The following SLC9C2 variants were observed in gnomAD, a reference collection of about 807,000 sequenced individuals.
The protein encoded by SLC9C2 is sodium/hydrogen exchanger 11.
A neutral mutation model predicts 140.2 loss-of-function variants in SLC9C2; 75 were observed. The observed-to-expected ratio is 0.53, with a 90% CI of 0.44 to 0.65. SLC9C2 has a LOEUF of 0.65. Ranked by LOEUF, SLC9C2 falls within the 30% of genes least tolerant of loss-of-function variation. The pLI, the probability that SLC9C2 is intolerant of heterozygous loss-of-function variation, is 0.00. For missense variants in SLC9C2, 1,074 were observed against 1,331.8 expected (o/e 0.81, Z 3.01); for synonymous variants, 375 against 420.9 (o/e 0.89, Z 1.34).
chr1:173,515,182 A>C (rs1356006785), intron 23 of SLC9C2, among the ~76,000 whole-genome samples: 2 of 151,990 alleles, frequency 1.3e-5, no homozygotes, highest in African/African-American at 4.8e-5. Flanking sequence ...GTATTTCCTG[A>C]ATTTGAATGT....
At chr1:173,519,315 G>A (rs979013424) in intron 22 of SLC9C2, among the ~76,000 whole-genome samples, 15 of 152,050 alleles carry the variant, frequency 9.9e-5, no homozygotes, top group African/African-American at 2.9e-4. Context: ...TTCAATAGCC[G>A]TAAAGAATAA....
At chr1:173,567,278 T>C (rs1054049624) in intron 9 of SLC9C2, among the ~76,000 whole-genome samples, 1 of 152,074 alleles carries the variant, frequency 6.6e-6, no homozygotes, top group South Asian at 2.1e-4. Context: ...TTGAAGTCTG[T>C]TATTATTGCA....
At chr1:173,513,139 C>T (rs4360557) in intron 23 of SLC9C2, among the ~76,000 whole-genome samples, 6,942 of 152,038 alleles carry the variant, frequency 0.046, 515 homozygotes, top group African/African-American at 0.16. Context: ...GTTGTTGTGC[C>T]TCTGCCAGGT....
chr1:173,535,239 A>G (rs892139248), intron 15 of SLC9C2, among the ~76,000 whole-genome samples: 1 of 152,166 alleles, frequency 6.6e-6, no homozygotes, highest in African/African-American at 2.4e-5. Context: ...AAAATTTAGC[A>G]GCATTAACGC....
intron 11 of SLC9C2, among the ~76,000 whole-genome samples, chr1:173,553,338 G>A (rs1487321997): frequency 7.9e-5 from 12 of 152,230 alleles, no homozygotes; most frequent in Non-Finnish European, 1.5e-5. Flanking sequence ...GTGGCAACAG[G>A]TTTTGAGAGG....
At chr1:173,556,352 A>C (rs1261191104) in intron 10 of SLC9C2, among the ~76,000 whole-genome samples, 2 of 152,186 alleles carry the variant, frequency 1.3e-5, no homozygotes, top group African/African-American at 4.8e-5. Context: ...CCCATGGGGA[A>C]AGGCTTTGAG....
At chr1:173,576,915 G>A (rs1164211897) in intron 7 of SLC9C2, among the ~76,000 whole-genome samples, 155 bp from the exon 8 acceptor site, 1 of 152,204 alleles carries the variant, frequency 6.6e-6, no homozygotes, top group East Asian at 1.9e-4. Context: ...CAGTAAACCT[G>A]GGGCTGGCAA....
chr1:173,549,276 G>T (rs1432557896), intron 11 of SLC9C2, among the ~76,000 whole-genome samples: 2 of 152,132 alleles, frequency 1.3e-5, no homozygotes, highest in African/African-American at 4.8e-5. Flanking sequence ...CTCTCTATGG[G>T]ACACTGCGTA....
chr1:173,561,868 C>G (rs1199504973), intron 9 of SLC9C2, among the ~76,000 whole-genome samples: 1 of 151,732 alleles, frequency 6.6e-6, no homozygotes, highest in East Asian at 1.9e-4. Context: ...CACAGACACA[C>G]ACACACACAC....
intron 17 of SLC9C2, 137 bp from the exon 18 acceptor site, chr1:173,530,191 A>C: frequency 1.4e-4 from 99 of 702,124 alleles, no homozygotes; most frequent in Non-Finnish European, 2.1e-4. Flanking sequence ...GCAAAATCTC[A>C]GGTCCCACTG....
At chr1:173,505,184 A>G (rs1378414865) in intron 26 of SLC9C2, 63 bp downstream of exon 26, 2 of 1,346,336 alleles carry the variant, frequency 1.5e-6, no homozygotes, top group East Asian at 2.3e-5. Context: ...GAGTTAAAGG[A>G]ATTTTACATG....
chr1:173,573,291 A>G lies in SLC9C2; in HGVS notation c.937T>C (p.Leu313=). The G allele has an allele frequency of 1.3e-6, 2 of 1,571,040 alleles. No homozygotes were observed. Among genetic ancestry groups the G allele is most frequent in the Non-Finnish European group, 1.7e-6 (2 of 1,143,398 alleles). The change falls in exon 9 of 28, where the codon TTA becomes CTA. Residue 313 remains leucine (L), a synonymous_variant. Transcript: ENST00000367714. The part of the protein sequence containing the change: ...LRIFSSVYEH[L]IYAFFGIVIG... The stretch of plus-strand genomic sequence containing the variant: ...ACAATGCCAAAGAAAGCATATATTA[A>G]ATGTTCATATACAGATGAAAAAATT...
chr1:173,509,750 C>A, intron 23 of SLC9C2, 51 bp from the exon 24 acceptor site: 1 of 1,541,964 alleles, frequency 6.5e-7, no homozygotes, highest in Non-Finnish European at 8.7e-7. Context: ...AACTAAATTA[C>A]AAGACCATCA....
chr1:173,542,202 A>T (rs1426483693), intron 13 of SLC9C2, among the ~76,000 whole-genome samples: 1 of 152,186 alleles, frequency 6.6e-6, no homozygotes, highest in Non-Finnish European at 1.5e-5. Flanking sequence ...ACAGAAATAC[A>T]AACTACCATC....
intron 22 of SLC9C2, among the ~76,000 whole-genome samples, chr1:173,518,265 G>GAAAAA (rs58585946): frequency 1.4e-5 from 2 of 139,978 alleles, no homozygotes; most frequent in African/African-American, 5.2e-5. Flanking sequence ...CCATCTCAAA[G>GAAAAA]AAAAAAAAAA....
intron 25 of SLC9C2, among the ~76,000 whole-genome samples, chr1:173,506,007 C>T (rs1659615238): frequency 6.6e-6 from 1 of 152,224 alleles, no homozygotes; most frequent in African/African-American, 2.4e-5. Context: ...TTCCTTGCTT[C>T]TTGCCTCCAT....
At chr1:173,564,916 C>T (rs1399359290) in intron 9 of SLC9C2, among the ~76,000 whole-genome samples, 10 of 150,494 alleles carry the variant, frequency 6.6e-5, no homozygotes, top group African/African-American at 1.9e-4. Flanking sequence ...GGATTACAGG[C>T]GTGAGCCACC....
Position 173,535,814 on chromosome 1 carries a change from G to A in SLC9C2, c.1775+16C>T, listed in dbSNP as rs1187466990. The A allele has an allele frequency of 1.6e-5, 23 of 1,480,066 alleles. No individual in the cohort carries two copies. Among genetic ancestry groups the A allele is most frequent in the African/African-American group, 2.9e-5 (2 of 68,186 alleles). 91.7% of individuals were successfully genotyped at this position (1,480,066 alleles called of 1,614,324 possible). A position where few individuals can be genotyped will look rare whatever the true frequency, so the allele number is the denominator to read the frequency against. ...TATTTTCAAGTATGTTTCTATTAAAGGTTCACAATACTTACTCAGGTGGAA... is the reference window on the plus strand; with the variant it reads ...TATTTTCAAGTATGTTTCTATTAAAAGTTCACAATACTTACTCAGGTGGAA... On this transcript the variant is annotated intron_variant, in intron 15 of 27. Coordinates refer to ENST00000367714, the MANE Select transcript of SLC9C2 (RefSeq NM_178527.4).
rs559867348 is a variant in SLC9C2 at position 173,593,956 on chromosome 1, G to A, written c.357+3948C>T. Among the ~76,000 whole-genome samples, 734 of 152,282 alleles carry A rather than the reference G, an allele frequency of 4.8e-3. 5 individuals are homozygous for A. Among genetic ancestry groups the A allele is most frequent in the African/African-American group, 0.017 (699 of 41,560 alleles). On this transcript the variant is annotated intron_variant, in intron 4 of 27. Coordinates refer to ENST00000367714, the MANE Select transcript of SLC9C2 (RefSeq NM_178527.4). ...ACTGAAACCTTGGATAACTGAAACT[G>A]TGGAAAGTGAAATGGTGGATAAAAG...
Sources: allele counts gnomAD v4.1 joint callset (sites outside exome capture counted in the v4.1 genomes callset), GRCh38; gene constraint gnomAD v4.1.1; transcripts MANE v1.5; gene names NCBI Gene and HGNC (gene_info 2026-07-23, HGNC 2026-07-21).